The following ZNF385D variants were observed in gnomAD, a reference collection of about 807,000 sequenced individuals.
ZNF385D encodes zinc finger protein 385D.
A neutral mutation model predicts 35.8 loss-of-function variants in ZNF385D; 15 were observed. That is an observed-to-expected ratio of 0.42 (90% CI 0.28 to 0.64). The LOEUF (loss-of-function observed/expected upper bound fraction) is 0.64. Ranked by LOEUF, ZNF385D falls within the 30% of genes least tolerant of loss-of-function variation. ZNF385D has a pLI of 0.23. For missense variants in ZNF385D, 474 were observed against 494.6 expected, an observed-to-expected ratio of 0.96 and a Z score of 0.39; for synonymous variants, 212 against 186.8, an observed-to-expected ratio of 1.13 and a Z score of -1.10.
chr3:22,219,799 G>A (rs1296174087), intron 2 of ZNF385D, among the ~76,000 whole-genome samples: 2 of 152,106 alleles, frequency 1.3e-5, no homozygotes, highest in Non-Finnish European at 2.9e-5. Context: ...TTTAAGTAAT[G>A]CTTTGTCACT....
chr3:21,913,984 T>A (rs958247523), intron 3 of ZNF385D, among the ~76,000 whole-genome samples: 2 of 152,072 alleles, frequency 1.3e-5, no homozygotes, highest in African/African-American at 4.8e-5. Context: ...GTGCACAGAT[T>A]TGCAGCTTGT....
At chr3:22,359,065 CAAAA>C (rs201862280) in intron 2 of ZNF385D, among the ~76,000 whole-genome samples, 32 of 115,218 alleles carry the variant, frequency 2.8e-4, no homozygotes, top group Admixed American at 4.6e-4. Flanking sequence ...AACAAACAAA[CAAAA>C]AAACCAAAAA....
chr3:22,104,764 A>G lies in ZNF385D; in HGVS notation c.325+64053T>C, dbSNP rs140310216. 7.9e-5 allele frequency among the ~76,000 whole-genome samples: 12 copies of G among 152,290 alleles called. No individual in the cohort carries two copies. In the East Asian group the frequency reaches 2.3e-3, roughly 29 times the overall value. On this transcript the variant is annotated intron_variant, in intron 3 of 5. Coordinates refer to the ZNF385D transcript ENST00000494108. ...TTATGGGAGATAAATTGTACCACCT[A>G]GTAAATATGAATCATATTCTGTGCC...
At chr3:22,194,181 G>T (rs1031355227) in intron 2 of ZNF385D, among the ~76,000 whole-genome samples, 14 of 151,626 alleles carry the variant, frequency 9.2e-5, no homozygotes, top group Non-Finnish European at 2.1e-4. Context: ...ATCAGATTTT[G>T]ATTGTTGATA....
rs908472129 is a variant in ZNF385D, at chr3:21,790,445, GTTTC to G, written c.326-125421_326-125418del. Among the ~76,000 whole-genome samples, 441 of 151,790 alleles carry G rather than the reference GTTTC, an allele frequency of 2.9e-3. 2 individuals are homozygous for G. Among genetic ancestry groups the G allele is most frequent in the African/African-American group, 9.9e-3 (409 of 41,414 alleles). On this transcript the variant is annotated intron_variant, in intron 3 of 5. Coordinates refer to the ZNF385D transcript ENST00000494108. ...GGTGATAAGATTTGGGGTGATTGCTGTTTCTTTGTAATTTTTTTGAAGTTTAAAT... is the reference window on the plus strand; with the variant it reads ...GGTGATAAGATTTGGGGTGATTGCTGTTTGTAATTTTTTTGAAGTTTAAAT...
intron 3 of ZNF385D, among the ~76,000 whole-genome samples, chr3:22,136,479 TG>T (rs1704122510): frequency 6.6e-6 from 1 of 151,814 alleles, no homozygotes; most frequent in South Asian, 2.1e-4. Flanking sequence ...AGTTATAGAT[TG>T]AGAGAAAATA....
At chr3:22,279,837 T>G (rs2125377949) in intron 2 of ZNF385D, among the ~76,000 whole-genome samples, 1 of 152,122 alleles carries the variant, frequency 6.6e-6, no homozygotes, top group South Asian at 2.1e-4. Context: ...GCAGATCTAC[T>G]TTTAGCTCTT....
intron 3 of ZNF385D, among the ~76,000 whole-genome samples, chr3:21,908,136 ATCT>A (rs1699782948): frequency 6.7e-6 from 1 of 148,206 alleles, no homozygotes; most frequent in Non-Finnish European, 1.5e-5. Context: ...CTATCTATCT[ATCT>A]ATCTATCTAT....
chr3:21,931,538 TG>T (rs1701007223), intron 3 of ZNF385D, among the ~76,000 whole-genome samples: 1 of 152,282 alleles, frequency 6.6e-6, no homozygotes, highest in African/African-American at 2.4e-5. Context: ...AACTGGTGAA[TG>T]GGTAAGTACA....
At chr3:22,011,048 T>C (rs1033684044) in intron 3 of ZNF385D, among the ~76,000 whole-genome samples, 11 of 152,096 alleles carry the variant, frequency 7.2e-5, no homozygotes, top group African/African-American at 2.7e-4. Flanking sequence ...ATTAAAGACA[T>C]GATACATGGA....
intron 1 of ZNF385D, among the ~76,000 whole-genome samples, chr3:21,679,403 A>G (rs2066829679): frequency 6.6e-6 from 1 of 152,032 alleles, no homozygotes; most frequent in African/African-American, 2.4e-5. Context: ...GTTTGCTAGT[A>G]ATTTGATTCT....
At position 22,053,087 on chromosome 3, in the gene ZNF385D, C is replaced by T; in HGVS notation, c.325+115730G>A. Among the ~76,000 whole-genome samples, 2 of 79,386 alleles carry T rather than the reference C, an allele frequency of 2.5e-5. 1 individual carries two copies. Among genetic ancestry groups the T allele is most frequent in the Non-Finnish European group, 5.1e-5 (2 of 39,494 alleles). The allele number at this position is 79,386 out of a possible 152,430, so 52.1% of individuals were successfully genotyped here. ...GCAAGCCTGGGCAATGGCGGGCGCCCCTCCCCCAGCCTCGTTGCCGCCTTG... is the reference window on the plus strand; with the variant it reads ...GCAAGCCTGGGCAATGGCGGGCGCCTCTCCCCCAGCCTCGTTGCCGCCTTG... On this transcript the variant is annotated intron_variant, in intron 3 of 5. Coordinates refer to the ZNF385D transcript ENST00000494108.
At chr3:22,285,990 C>T (rs1212905250) in intron 2 of ZNF385D, among the ~76,000 whole-genome samples, 1 of 152,088 alleles carries the variant, frequency 6.6e-6, no homozygotes, top group Non-Finnish European at 1.5e-5. Flanking sequence ...TACGTCTCCA[C>T]AGCATTTCTT....
rs77472053 is a variant in ZNF385D at position 22,183,389 on chromosome 3, C to T, written c.107-14354G>A. ...AATTTGAGATGGAGTCTCACTCTGT[C>T]GCCCAGGCTGGAGTGCAGTGTGCAG... On this transcript the variant is annotated intron_variant, in intron 2 of 5. Transcript: ENST00000494108. Among the ~76,000 whole-genome samples, 8 of 152,072 alleles carry T rather than the reference C, an allele frequency of 5.3e-5. No individual in the cohort carries two copies. In the East Asian group the frequency reaches 1.2e-3, roughly 22 times the overall value.
At chr3:21,701,382 A>G (rs974003873) in intron 1 of ZNF385D, among the ~76,000 whole-genome samples, 2 of 152,188 alleles carry the variant, frequency 1.3e-5, no homozygotes, top group African/African-American at 2.4e-5. Flanking sequence ...CACCATCATG[A>G]GAATAGCACG....
chr3:22,024,404 G>T (rs1327195762), intron 3 of ZNF385D, among the ~76,000 whole-genome samples: 2 of 152,066 alleles, frequency 1.3e-5, no homozygotes, highest in Non-Finnish European at 2.9e-5. Context: ...GGTCCCAGGA[G>T]TGGTTCTAGA....
intron 4 of ZNF385D, among the ~76,000 whole-genome samples, chr3:21,496,251 A>AATAT (rs550652305): frequency 6.8e-6 from 1 of 147,104 alleles, no homozygotes; most frequent in South Asian, 2.1e-4. Flanking sequence ...AAAGTAAATA[A>AATAT]ATATATATAT....
rs965232062 is a variant in ZNF385D, at chr3:21,609,253, C to T, written c.166-44569G>A. Among the ~76,000 whole-genome samples the T allele has an allele frequency of 3.9e-5, 6 of 152,280 alleles. No homozygotes were observed. The East Asian group carries it at 5.8e-4, about 15-fold the overall frequency. On this transcript the variant is annotated intron_variant, in intron 2 of 7. Transcript: ENST00000281523. ...ATCAGTCTCATTAACACACAGCTCT[C>T]GCCAACTGAGCTAAATAATTAGGGT...
chr3:22,285,036 T>C (rs1701954130), intron 2 of ZNF385D, among the ~76,000 whole-genome samples: 1 of 152,112 alleles, frequency 6.6e-6, no homozygotes. Flanking sequence ...ATAAGCTAAA[T>C]GTTGCAGAAT....
Sources: gnomAD v4.1 joint callset for allele counts (sites outside exome capture counted in the v4.1 genomes callset) on GRCh38, gnomAD v4.1.1 for gene constraint, MANE v1.5 for transcripts, NCBI Gene and HGNC (gene_info 2026-07-23, HGNC 2026-07-21) for gene names.